The following AGXT2 variants were observed in gnomAD, a reference collection of about 807,000 sequenced individuals.
The protein encoded by AGXT2 is alanine--glyoxylate aminotransferase 2.
In AGXT2, 61 loss-of-function variants were observed where a neutral mutation model predicts 62.5. The observed-to-expected ratio is 0.98, with a 90% CI of 0.79 to 1.21. AGXT2 has a LOEUF of 1.21. AGXT2 is among the 50% of genes most tolerant of loss of function. AGXT2 has a pLI of 0.00. For synonymous variants in AGXT2, 243 were observed against 218.7 expected (o/e 1.11, Z -0.98); for missense variants, 666 against 641.5 (o/e 1.04, Z -0.41).
Position 35,040,610 on chromosome 5 carries a change from T to C in AGXT2, c.142A>G (p.Met48Val). ...TCAGGCATGAAGTCACATGGAGGCA[T>C]TCTGGGCTTTGTATGAAGACTGAGC... ...TKLSLHTKPR[M>V]PPCDFMPERY... The change falls in exon 2 of 14, where the codon ATG becomes GTG. Residue 48 changes from methionine (M) to valine (V), a missense_variant. Met to Val is a conservative substitution (Grantham distance 21, BLOSUM62 1). Transcript: ENST00000231420. 1 of 1,613,982 alleles carries C rather than the reference T, an allele frequency of 6.2e-7. No individual in the cohort carries two copies. Among genetic ancestry groups the C allele is most frequent in the Non-Finnish European group, 8.5e-7 (1 of 1,179,854 alleles).
At chr5:35,031,798 T>A (rs1055072875) in intron 7 of AGXT2, among the ~76,000 whole-genome samples, 5 of 152,146 alleles carry the variant, frequency 3.3e-5, no homozygotes, top group African/African-American at 1.2e-4. Context: ...CTGGAGAACT[T>A]TTTGACTGGA....
chr5:35,033,406 A>T, intron 6 of AGXT2, 54 bp downstream of exon 6: 2 of 1,349,768 alleles, frequency 1.5e-6, no homozygotes, highest in Non-Finnish European at 2.1e-6. Context: ...CTGATCAACT[A>T]CTTCACATAC....
chr5:35,024,416 T>A (rs1354343523), intron 9 of AGXT2, among the ~76,000 whole-genome samples: 1 of 152,228 alleles, frequency 6.6e-6, no homozygotes, highest in Non-Finnish European at 1.5e-5. Flanking sequence ...GACAGAGGAC[T>A]GCTTTATTTG....
chr5:35,029,267 A>T (rs114295061), intron 7 of AGXT2, among the ~76,000 whole-genome samples: 1,872 of 152,336 alleles, frequency 0.012, 30 homozygotes, highest in Non-Finnish European at 0.016. Context: ...ACCCTAAAAG[A>T]TGGATCAGAC....
At chr5:35,000,133 G>A (rs1766174923) in intron 13 of AGXT2, among the ~76,000 whole-genome samples, 1 of 152,106 alleles carries the variant, frequency 6.6e-6, no homozygotes. Flanking sequence ...GTTGCAGTCT[G>A]ACTTCTGCCT....
Position 35,039,470 on chromosome 5 carries a change from T to C in AGXT2, c.216A>G (p.Glu72=), listed in dbSNP as rs757348059. Residue 72 remains glutamate, a synonymous_variant, in exon 3 of 14, where the codon GAA becomes GAG. Transcript: ENST00000231420. ...GYNRVLEIHK[E]HLSPVVTAYF... ...ATGCCGTCACCACAGGAGAAAGATG[T>C]TCCTTGTGGATTTCCAGGACACGGT... 9 of 1,614,060 alleles carry C rather than the reference T, an allele frequency of 5.6e-6. No homozygotes were observed. The highest frequency in any genetic ancestry group is 6.8e-6 in the Non-Finnish European group (8 of 1,179,940).
rs763792848 is a variant in AGXT2 at position 35,045,751 on chromosome 5, CTTTTTCTTTTTTCTTTT to C, written c.88+2037_88+2053del. The stretch of plus-strand genomic sequence containing the variant: ...TCAGTCTAGGTAGTGTGGTTTTTTT[CTTTTTCTTTTTTCTTTT>C]TTTTTTTTTTTTTTTTTGAGAAGGA... On this transcript the variant is annotated intron_variant, in intron 1 of 13. Transcript: ENST00000231420. 5.9e-4 allele frequency among the ~76,000 whole-genome samples: 78 copies of C among 133,224 alleles called. 2 individuals are homozygous for C. Among genetic ancestry groups the C allele is most frequent in the Non-Finnish European group, 8.7e-4 (55 of 63,482 alleles). The allele number at this position is 133,224 out of a possible 152,430, so 87.4% of individuals were successfully genotyped here. A position where few individuals can be genotyped will look rare whatever the true frequency, so the allele number is the denominator to read the frequency against.
chr5:35,028,601 GAGAGAGAGAGAGAGAGAGAAA>G (rs1311814602), intron 7 of AGXT2, among the ~76,000 whole-genome samples: 6,178 of 103,200 alleles, frequency 0.06, 519 homozygotes, highest in African/African-American at 0.16. Flanking sequence ...GAGAGAGAGA[GAGAGAGAGAGAGAGAGAGAAA>G]TTCTTCTACT....
At chr5:35,046,252 C>A (rs1377311276) in intron 1 of AGXT2, among the ~76,000 whole-genome samples, 1 of 152,176 alleles carries the variant, frequency 6.6e-6, no homozygotes, top group Non-Finnish European at 1.5e-5. Flanking sequence ...AGGGGGCAGT[C>A]TAGGGCATTT....
intron 7 of AGXT2, among the ~76,000 whole-genome samples, chr5:35,031,952 T>A (rs12186467): frequency 0.011 from 104 of 9,750 alleles, 3 homozygotes; most frequent in Middle Eastern, 0.038. Flanking sequence ...GCTTTTTTTT[T>A]TTTTTTTTTT....
chr5:35,021,165 T>C (rs1767065172), intron 9 of AGXT2, among the ~76,000 whole-genome samples: 1 of 152,168 alleles, frequency 6.6e-6, no homozygotes, highest in African/African-American at 2.4e-5. Context: ...AATTTACAGA[T>C]TCAATGCCAT....
At position 34,998,571 on chromosome 5, in the gene AGXT2, T is replaced by C. The variant is rs1766112839; in HGVS notation, c.*148A>G. 3.7e-5 allele frequency: 25 copies of C among 676,798 alleles called. No homozygotes were observed. In the South Asian group the frequency reaches 4.1e-4, roughly 11 times the overall value. 41.9% of individuals were successfully genotyped at this position (676,798 alleles called of 1,614,324 possible). A position where few individuals can be genotyped will look rare whatever the true frequency, so the allele number is the denominator to read the frequency against. ...GAGGGGCTCTGCTAACAAATATGGT[T>C]GGTAGGCAGTCAACCATGACTTTTA... is the stretch of plus-strand genomic sequence containing the variant. On this transcript the variant is annotated 3_prime_UTR_variant, in exon 14 of 14. Coordinates refer to ENST00000231420, the MANE Select transcript of AGXT2 (RefSeq NM_031900.4).
chr5:35,005,155 TGA>T (rs1766374897), intron 12 of AGXT2, among the ~76,000 whole-genome samples: 1 of 152,118 alleles, frequency 6.6e-6, no homozygotes, highest in African/African-American at 2.4e-5. Flanking sequence ...AAATATGATT[TGA>T]GAGGCCAGAG....
At chr5:35,017,360 A>G (rs1766881277) in intron 9 of AGXT2, among the ~76,000 whole-genome samples, 1 of 152,148 alleles carries the variant, frequency 6.6e-6, no homozygotes, top group Non-Finnish European at 1.5e-5. Flanking sequence ...CTGTGTCCCC[A>G]CCCAAATCTC....
intron 9 of AGXT2, among the ~76,000 whole-genome samples, chr5:35,017,287 CAG>C (rs879775393): frequency 5.3e-5 from 8 of 152,150 alleles, no homozygotes; most frequent in Non-Finnish European, 8.8e-5. Context: ...ATAAGCTTGA[CAG>C]GTTGTTTAAC....
intron 9 of AGXT2, among the ~76,000 whole-genome samples, chr5:35,020,896 T>A (rs998041719): frequency 1.5e-4 from 23 of 152,226 alleles, no homozygotes; most frequent in African/African-American, 5.3e-4. Context: ...AAAATCAATG[T>A]ACAAAAATCA....
chr5:35,012,978 A>G lies in AGXT2; in HGVS notation c.1164T>C (p.Cys388=). The change falls in exon 11 of 14, where the codon TGT becomes TGC. Residue 388 remains cysteine, a synonymous_variant. Transcript: ENST00000231420. ...CCTCAAGCACAGCAGATCCAATGGCACAGGCCATGGGGTTCCCTCCAAAGG... is the reference window on the plus strand; with the variant it reads ...CCTCAAGCACAGCAGATCCAATGGCGCAGGCCATGGGGTTCCCTCCAAAGG... ...FNTFGGNPMA[C]AIGSAVLEVI... 6.4e-7 allele frequency: 1 copy of G among 1,551,744 alleles called. No homozygotes were observed. The highest frequency in any genetic ancestry group is 2.4e-5 in the East Asian group (1 of 40,920).
chr5:35,014,606 G>A (rs1363033338), intron 9 of AGXT2, among the ~76,000 whole-genome samples: 1 of 152,040 alleles, frequency 6.6e-6, no homozygotes, highest in Non-Finnish European at 1.5e-5. Flanking sequence ...GAGCTATTAG[G>A]CATCAAGAGT....
At chr5:35,015,199 G>C (rs1396715403) in intron 9 of AGXT2, among the ~76,000 whole-genome samples, 1 of 152,162 alleles carries the variant, frequency 6.6e-6, no homozygotes, top group African/African-American at 2.4e-5. Flanking sequence ...GGCTGCCATA[G>C]AGACTTTCAT....
Sources: allele counts gnomAD v4.1 joint callset (sites outside exome capture counted in the v4.1 genomes callset), GRCh38; gene constraint gnomAD v4.1.1; transcripts MANE v1.5; gene names NCBI Gene and HGNC (gene_info 2026-07-23, HGNC 2026-07-21).